SPRED3: variants seen among roughly 807,000 people sequenced by gnomAD.
The protein encoded by SPRED3 is sprouty-related, EVH1 domain-containing protein 3.
SPRED3 carries 23 observed loss-of-function variants against 37.6 expected under a neutral mutation model. The ratio of observed to expected loss-of-function variants is 0.61; its 90% CI spans 0.44 to 0.87. The LOEUF (loss-of-function observed/expected upper bound fraction) is 0.87. Ranked by LOEUF, SPRED3 falls within the 40% of genes least tolerant of loss-of-function variation. The pLI, the probability that SPRED3 is intolerant of heterozygous loss-of-function variation, is 0.00. For synonymous variants in SPRED3, 302 were observed against 279.6 expected (o/e 1.08, Z -0.80); for missense variants, 584 against 618.6 (o/e 0.94, Z 0.59).
At chr19:38,392,374 C>T (rs901327786) in intron 4 of SPRED3, 86 bp downstream of exon 4, 9 of 1,385,458 alleles carry the variant, frequency 6.5e-6, no homozygotes, top group Non-Finnish European at 8.6e-6. Flanking sequence ...TACTGTGTAG[C>T]AGGCACCATG....
In SPRED3 at chr19:38,395,838, ACGGGCGTGGCGG is replaced by A. The variant is rs1970889800; in HGVS notation, c.928_939del (p.Gly310_Gly313del). The A allele has an allele frequency of 3.4e-6, 5 of 1,472,896 alleles. No homozygotes were observed. The Admixed American group carries it at 1.2e-4, about 36-fold the overall frequency. 91.2% of individuals were successfully genotyped at this position (1,472,896 alleles called of 1,614,324 possible). A position where few individuals can be genotyped will look rare whatever the true frequency, so the allele number is the denominator to read the frequency against. On this transcript the variant is annotated inframe_deletion, in exon 6 of 6. Transcript: ENST00000691638. The surrounding 1 kb of genome is among the most constrained non-coding windows in gnomAD (Gnocchi z 5.2). ...CGCGCGCTCTTCCGTCGCAGAGCAG[ACGGGCGTGGCGG>A]CCGCTGCGCAGAGGCCCCGGACCCG...
chr19:38,394,716 T>G lies in SPRED3; in HGVS notation c.497T>G (p.Ile166Ser), dbSNP rs1461337017. ...ETPPSAAAAP[I>S]ITMESASGFG... is the part of the protein sequence containing the mutation. ...CCTCCCAGCGCCGCTGCGGCCCCCA[T>G]CATCACGATGGAGTCAGCTTCAGGC... is the stretch of plus-strand genomic sequence containing the variant. The change falls in exon 5 of 6, where the codon ATC becomes AGC. Residue 166 changes from isoleucine to serine, a missense_variant. This residue lies in a region of SPRED3 where 310 missense variants were observed against 281.1 expected (regional missense o/e 1.10). Coordinates refer to ENST00000691638, the MANE Select transcript of SPRED3 (RefSeq NM_001394336.1). 6 of 1,594,008 alleles carry G rather than the reference T, an allele frequency of 3.8e-6. No homozygotes were observed. The African/African-American group carries it at 8.0e-5, about 21-fold the overall frequency.
rs971801341 is a variant in SPRED3, at chr19:38,399,106, G to A, written c.*2961G>A. The A allele has an allele frequency of 2.1e-5, 3 of 143,262 alleles. No homozygotes were observed. The highest frequency in any genetic ancestry group is 3.1e-5 in the Non-Finnish European group (2 of 65,082). The allele number at this position is 143,262 out of a possible 1,614,324, so 8.9% of individuals were successfully genotyped here. Reference sequence around the variant, plus strand: ...GGAAGCTCCATTCTTAACCTACCTCGTTTTGGGGAGGGGTGGGACGGGGGA... The same window carrying A: ...GGAAGCTCCATTCTTAACCTACCTCATTTTGGGGAGGGGTGGGACGGGGGA... On this transcript the variant is annotated 3_prime_UTR_variant, in exon 6 of 6. Coordinates refer to ENST00000691638, the MANE Select transcript of SPRED3 (RefSeq NM_001394336.1).
At position 38,398,127 on chromosome 19, in the gene SPRED3, C is replaced by A. The variant is rs542445782; in HGVS notation, c.*1982C>A. ...TATGGCTCTGCTGTCCCACAGCCCC[C>A]AGTCTTGCAGACCTTCCTTCAAGCA... On this transcript the variant is annotated 3_prime_UTR_variant, in exon 6 of 6. Transcript: ENST00000691638. The A allele has an allele frequency of 5.9e-5, 9 of 152,250 alleles. No individual in the cohort carries two copies. The highest frequency in any genetic ancestry group is 1.5e-5 in the Non-Finnish European group (1 of 68,064). The allele number at this position is 152,250 out of a possible 1,614,324, so 9.4% of individuals were successfully genotyped here. A position where few individuals can be genotyped will look rare whatever the true frequency, so the allele number is the denominator to read the frequency against.
rs373790301 is a variant in SPRED3, at chr19:38,395,612, C to G, written c.700C>G (p.Leu234Val). 8.8e-4 allele frequency: 1,371 copies of G among 1,551,450 alleles called. No homozygotes were observed. The highest frequency in any genetic ancestry group is 1.1e-3 in the Non-Finnish European group (1,323 of 1,155,696). The change falls in exon 6 of 6, where the codon CTG (leucine) becomes GTG (valine). Residue 234 changes from leucine (L) to valine (V), a missense_variant. Transcript: ENST00000691638. This position sits in a 1 kb window ranked among gnomAD's most constrained non-coding sequence, Gnocchi z 5.2. ...CTCCGGGCCACCCGCGCCCCTCGCC[C>G]TGTCCACCTGCGTCGTGCGCTTCGC... ...RRSGPPAPLALSTCVVRFAKT... is the reference protein window; with the variant it reads ...RRSGPPAPLAVSTCVVRFAKT...
intron 2 of SPRED3, among the ~76,000 whole-genome samples, chr19:38,390,692 G>A (rs915559626): frequency 6.6e-6 from 1 of 150,676 alleles, no homozygotes; most frequent in Non-Finnish European, 1.5e-5. Context: ...CTTCCAGCCA[G>A]ACTATCCTCG....
At position 38,398,448 on chromosome 19, in the gene SPRED3, G is replaced by C. The variant is rs1307189954; in HGVS notation, c.*2303G>C. 1 of 152,076 alleles carries C rather than the reference G, an allele frequency of 6.6e-6. No homozygotes were observed. The highest frequency in any genetic ancestry group is 6.5e-5 in the Admixed American group (1 of 15,272). 9.4% of individuals were successfully genotyped at this position (152,076 alleles called of 1,614,324 possible). A position where few individuals can be genotyped will look rare whatever the true frequency, so the allele number is the denominator to read the frequency against. On this transcript the variant is annotated 3_prime_UTR_variant, in exon 6 of 6. Transcript: ENST00000691638. ...AGACAGGGTTTCACCATGTTGGCCA[G>C]GATGGTCTCAAACTCCTGACCTCAT...
intron 4 of SPRED3, 28 bp downstream of exon 4, chr19:38,392,316 G>A: frequency 6.8e-7 from 1 of 1,477,750 alleles, no homozygotes; most frequent in Non-Finnish European, 9.0e-7. Context: ...CTCTCTGCTG[G>A]GGGAGGGTAG....
rs760297394 is a variant in SPRED3 at position 38,390,433 on chromosome 19, G to C, written c.131G>C (p.Arg44Pro). 4.3e-6 allele frequency: 6 copies of C among 1,401,732 alleles called. No homozygotes were observed. In the East Asian group the frequency reaches 1.1e-4, roughly 26 times the overall value. The allele number at this position is 1,401,732 out of a possible 1,614,324, so 86.8% of individuals were successfully genotyped here. The change falls in exon 2 of 6, where the codon CGC becomes CCC. Residue 44 changes from arginine to proline, a missense_variant. Coordinates refer to ENST00000691638, the MANE Select transcript of SPRED3 (RefSeq NM_001394336.1). ...GGGGCCAGGCCCGAGGGGGGGGCCC[G>C]CCAGGGGCACTACGTCATCCACGGG... Reference protein sequence around the residue: ...VRGARPEGGARQGHYVIHGER... With the variant: ...VRGARPEGGAPQGHYVIHGER...
intron 4 of SPRED3, 21 bp from the exon 5 acceptor site, chr19:38,394,622 G>T: frequency 6.3e-7 from 1 of 1,580,438 alleles, no homozygotes; most frequent in East Asian, 2.3e-5. Flanking sequence ...TCCCCGCGCT[G>T]AGGCCGCCAA....
chr19:38,394,674 A>T lies in SPRED3; in HGVS notation c.455A>T (p.His152Leu). ...SHVDSDSSSS[H>L]SRQETPPSAA... Reference sequence around the variant, plus strand: ...GTGGACAGCGACTCCTCCTCCAGTCACAGCCGCCAGGAGACTCCTCCCAGC... The same window carrying T: ...GTGGACAGCGACTCCTCCTCCAGTCTCAGCCGCCAGGAGACTCCTCCCAGC... Residue 152 changes from histidine (H) to leucine (L), a missense_variant, in exon 5 of 6, where the codon CAC (histidine) becomes CTC (leucine). By Grantham distance (99) the His-to-Leu change is moderately conservative. Coordinates refer to ENST00000691638, the MANE Select transcript of SPRED3 (RefSeq NM_001394336.1). 1 of 1,599,058 alleles carries T rather than the reference A, an allele frequency of 6.3e-7. No individual in the cohort carries two copies. The highest frequency in any genetic ancestry group is 8.5e-7 in the Non-Finnish European group (1 of 1,176,228).
At position 38,388,820 on chromosome 19, in the gene SPRED3, G is replaced by A; in HGVS notation, c.-5+13G>A. 2 of 397,690 alleles carry A rather than the reference G, an allele frequency of 5.0e-6. No individual in the cohort carries two copies. Among genetic ancestry groups the A allele is most frequent in the Non-Finnish European group, 8.9e-6 (2 of 225,466 alleles). The allele number at this position is 397,690 out of a possible 1,614,324, so 24.6% of individuals were successfully genotyped here. Reference sequence around the variant, plus strand: ...CGGAGCCTCGCAGGCAGGTGCCGAGGGGGGCGAGGGGGCGGGGGCTGACAG... The same window carrying A: ...CGGAGCCTCGCAGGCAGGTGCCGAGAGGGGCGAGGGGGCGGGGGCTGACAG... On this transcript the variant is annotated intron_variant, in intron 1 of 5. Coordinates refer to ENST00000691638, the MANE Select transcript of SPRED3 (RefSeq NM_001394336.1).
chr19:38,394,234 G>T, intron 4 of SPRED3: 1 of 1,344,670 alleles, frequency 7.4e-7, no homozygotes, highest in Non-Finnish European at 9.9e-7. Flanking sequence ...AGTGAGAGAG[G>T]AAGGCAGCTG....
rs970938425 is a variant in SPRED3, at chr19:38,395,702, G to A, written c.790G>A (p.Glu264Lys). ...PPAALPAPLT[E>K]AAPPAPPARP... ...AGCGGCACTACCTGCCCCTTTGACCGAGGCTGCGCCCCCAGCGCCCCCCGC... is the reference window on the plus strand; with the variant it reads ...AGCGGCACTACCTGCCCCTTTGACCAAGGCTGCGCCCCCAGCGCCCCCCGC... The change falls in exon 6 of 6, where the codon GAG becomes AAG. Residue 264 changes from glutamate to lysine, a missense_variant. Transcript: ENST00000691638. This position sits in a 1 kb window ranked among gnomAD's most constrained non-coding sequence, Gnocchi z 5.2. 4 of 1,467,682 alleles carry A rather than the reference G, an allele frequency of 2.7e-6. No homozygotes were observed. In the African/African-American group the frequency reaches 5.9e-5, roughly 22 times the overall value. The allele number at this position is 1,467,682 out of a possible 1,614,324, so 90.9% of individuals were successfully genotyped here. A position where few individuals can be genotyped will look rare whatever the true frequency, so the allele number is the denominator to read the frequency against.
chr19:38,395,554 G>A lies in SPRED3; in HGVS notation c.642G>A (p.Gly214=), dbSNP rs1451434145. 1 of 1,555,546 alleles carries A rather than the reference G, an allele frequency of 6.4e-7. No homozygotes were observed. Among genetic ancestry groups the A allele is most frequent in the Non-Finnish European group, 8.7e-7 (1 of 1,153,500 alleles). ...SEPLAGAGGL[G]WGGRGYEDYR... is the part of the protein sequence containing the mutation. Reference sequence around the variant, plus strand: ...CCCTGGCAGGGGCAGGGGGCCTGGGGTGGGGCGGCCGCGGCTACGAGGATT... The same window carrying A: ...CCCTGGCAGGGGCAGGGGGCCTGGGATGGGGCGGCCGCGGCTACGAGGATT... Residue 214 remains glycine (G), a synonymous_variant, in exon 6 of 6, where the codon GGG becomes GGA. Coordinates refer to ENST00000691638, the MANE Select transcript of SPRED3 (RefSeq NM_001394336.1). This position sits in a 1 kb window ranked among gnomAD's most constrained non-coding sequence, Gnocchi z 5.2.
chr19:38,396,457 T>C lies in SPRED3; in HGVS notation c.*312T>C, dbSNP rs1436297884. 4 of 213,202 alleles carry C rather than the reference T, an allele frequency of 1.9e-5. No individual in the cohort carries two copies. Among genetic ancestry groups the C allele is most frequent in the Admixed American group, 6.3e-5 (1 of 15,796 alleles). The allele number at this position is 213,202 out of a possible 1,614,324, so 13.2% of individuals were successfully genotyped here. ...CATCTCAGAAAGGCCAGGGAGCACATAGATCCCGAAAAGGGCAGGTCCCTG... is the reference window on the plus strand; with the variant it reads ...CATCTCAGAAAGGCCAGGGAGCACACAGATCCCGAAAAGGGCAGGTCCCTG... On this transcript the variant is annotated 3_prime_UTR_variant, in exon 6 of 6. Transcript: ENST00000691638.
In SPRED3 at chr19:38,397,985, GTCT is replaced by G. The variant is rs2145165455; in HGVS notation, c.*1843_*1845del. The G allele has an allele frequency of 6.6e-6, 1 of 152,142 alleles. No individual in the cohort carries two copies. Among genetic ancestry groups the G allele is most frequent in the South Asian group, 2.1e-4 (1 of 4,812 alleles). 9.4% of individuals were successfully genotyped at this position (152,142 alleles called of 1,614,324 possible). ...GCATTGTCACAGATGATTATGCAGGGTCTTCATTAAGTGAAGGCACACAGCCCA... is the reference window on the plus strand; with the variant it reads ...GCATTGTCACAGATGATTATGCAGGGTCATTAAGTGAAGGCACACAGCCCA... On this transcript the variant is annotated 3_prime_UTR_variant, in exon 6 of 6. Transcript: ENST00000691638.
At position 38,390,732 on chromosome 19, in the gene SPRED3, C is replaced by T. The variant is rs902432335; in HGVS notation, c.177+253C>T. On this transcript the variant is annotated intron_variant, in intron 2 of 5. Transcript: ENST00000691638. ...CTCCCTGTACTGCTCCTCCTCCCCG[C>T]TCCAACCCCAGGCTGTTCCACAGGG... Among the ~76,000 whole-genome samples the T allele has an allele frequency of 2.0e-5, 3 of 151,104 alleles. No homozygotes were observed. The East Asian group carries it at 5.8e-4, about 29-fold the overall frequency.
intron 4 of SPRED3, chr19:38,392,492 T>C (rs1268464805): frequency 3.5e-6 from 2 of 575,676 alleles, no homozygotes; most frequent in Non-Finnish European, 5.7e-6. Context: ...TCAAGGGTCC[T>C]TATTGTGTAC....
Sources: gnomAD v4.1 joint callset for allele counts (sites outside exome capture counted in the v4.1 genomes callset) on GRCh38, gnomAD v4.1.1 for gene constraint, gnomAD v4.1.1 regional missense constraint, Gnocchi (gnomAD v3.1) non-coding constraint, MANE v1.5 for transcripts, NCBI Gene and HGNC (gene_info 2026-07-23, HGNC 2026-07-21) for gene names.